The following CNTN4 variants were observed in gnomAD, a reference collection of about 807,000 sequenced individuals.
CNTN4 encodes the protein contactin-4.
In CNTN4, 77 loss-of-function variants were observed where a neutral mutation model predicts 122.5. That is an observed-to-expected ratio of 0.63 (90% CI 0.52 to 0.76). The LOEUF is 0.76. Among genes scored for constraint, CNTN4 ranks in the 30% least tolerant of loss-of-function variants. CNTN4 has a pLI of 0.00. For synonymous variants in CNTN4, 512 were observed against 447.0 expected (o/e 1.15, Z -1.83); for missense variants, 1,256 against 1,259.1 (o/e 1.00, Z 0.04).
intron 23 of CNTN4, among the ~76,000 whole-genome samples, chr3:3,047,485 G>C (rs1220582779): frequency 6.6e-6 from 1 of 150,964 alleles, no homozygotes; most frequent in Non-Finnish European, 1.5e-5. Flanking sequence ...ACTCAAAACC[G>C]CTCAACTACA....
At chr3:2,315,932 A>G (rs2043082667) in intron 2 of CNTN4, among the ~76,000 whole-genome samples, 1 of 152,086 alleles carries the variant, frequency 6.6e-6, no homozygotes, top group Admixed American at 6.6e-5. Flanking sequence ...GAATATTTTC[A>G]GAGTTTCTTA....
intron 2 of CNTN4, among the ~76,000 whole-genome samples, chr3:2,220,982 CT>C (rs2039039819): frequency 6.6e-6 from 1 of 152,118 alleles, no homozygotes; most frequent in South Asian, 2.1e-4. Flanking sequence ...AATACTTCAT[CT>C]CAAGCCAGAA....
chr3:2,749,348 T>A (rs1354732331), intron 6 of CNTN4, among the ~76,000 whole-genome samples: 1 of 147,276 alleles, frequency 6.8e-6, no homozygotes, highest in East Asian at 2.0e-4. Flanking sequence ...TTTTTTTGTA[T>A]TTTTAGTAGA....
intron 2 of CNTN4, among the ~76,000 whole-genome samples, chr3:2,117,957 C>G (rs1399531010): frequency 6.6e-6 from 1 of 151,882 alleles, no homozygotes; most frequent in Non-Finnish European, 1.5e-5. Flanking sequence ...TTTTAAATAT[C>G]TTTTTTTCTG....
At chr3:2,578,948 A>C (rs2149547033) in intron 4 of CNTN4, among the ~76,000 whole-genome samples, 1 of 152,314 alleles carries the variant, frequency 6.6e-6, no homozygotes, top group South Asian at 2.1e-4. Context: ...TTTCAACATA[A>C]ATTTAAGTAT....
At chr3:2,547,801 C>G (rs940783292) in intron 3 of CNTN4, among the ~76,000 whole-genome samples, 5 of 152,028 alleles carry the variant, frequency 3.3e-5, no homozygotes, top group African/African-American at 9.7e-5. Flanking sequence ...TCTTTAAGTC[C>G]AAAGAGAACT....
intron 13 of CNTN4, among the ~76,000 whole-genome samples, chr3:2,929,714 T>C (rs551224993): frequency 1.2e-4 from 19 of 152,288 alleles, no homozygotes; most frequent in African/African-American, 4.3e-4. Context: ...ACTGGAGCCA[T>C]GTACTCACCC....
intron 3 of CNTN4, among the ~76,000 whole-genome samples, chr3:2,434,861 G>A (rs966076019): frequency 2.0e-5 from 3 of 152,210 alleles, no homozygotes; most frequent in South Asian, 2.1e-4. Flanking sequence ...TGTCGCCAGC[G>A]TCCTAAATGA....
intron 3 of CNTN4, chr3:2,362,734 C>T: frequency 3.0e-6 from 1 of 332,116 alleles, no homozygotes; most frequent in Non-Finnish European, 5.9e-6. Flanking sequence ...CTCCAGTGGC[C>T]TCCAGCTTTA....
chr3:2,286,208 C>CGTGT (rs372804004), intron 2 of CNTN4, among the ~76,000 whole-genome samples: 20,782 of 143,072 alleles, frequency 0.15, 1,937 homozygotes, highest in East Asian at 0.4. Flanking sequence ...GATCTCCTGC[C>CGTGT]GTGTGTGTGT....
intron 6 of CNTN4, among the ~76,000 whole-genome samples, chr3:2,778,576 C>T (rs1187293565): frequency 6.6e-6 from 1 of 152,116 alleles, no homozygotes; most frequent in African/African-American, 2.4e-5. Context: ...TTACTCTAAC[C>T]ATGACTACAT....
intron 6 of CNTN4, among the ~76,000 whole-genome samples, chr3:2,759,834 T>C (rs1308562090): frequency 6.6e-6 from 1 of 152,210 alleles, no homozygotes; most frequent in Admixed American, 6.5e-5. Flanking sequence ...ACATCCTCAC[T>C]AGCACTTGCT....
chr3:2,895,320 T>C (rs1213002035), intron 10 of CNTN4, among the ~76,000 whole-genome samples: 1 of 152,234 alleles, frequency 6.6e-6, no homozygotes, highest in Non-Finnish European at 1.5e-5. Context: ...TATGAAATAA[T>C]GATAATGTTC....
rs941893127 is a variant in CNTN4, at chr3:2,836,381, A to G, written c.454+16800A>G. On this transcript the variant is annotated intron_variant, in intron 7 of 24. Transcript: ENST00000418658. Reference sequence around the variant, plus strand: ...AGAATAATCCTGGCACTAGAACTTGACAAAGACAGCAAAAAGGGAATGCCT... The same window carrying G: ...AGAATAATCCTGGCACTAGAACTTGGCAAAGACAGCAAAAAGGGAATGCCT... 8.5e-5 allele frequency among the ~76,000 whole-genome samples: 13 copies of G among 152,360 alleles called. 5 individuals carry two copies.
At chr3:2,453,162 C>A (rs761125760) in intron 3 of CNTN4, among the ~76,000 whole-genome samples, 3 of 151,120 alleles carry the variant, frequency 2.0e-5, no homozygotes, top group African/African-American at 7.3e-5. Flanking sequence ...ACAAAATAAT[C>A]TAGTGGTTGG....
At chr3:2,154,779 G>A (rs982956149) in intron 2 of CNTN4, among the ~76,000 whole-genome samples, 17 of 152,186 alleles carry the variant, frequency 1.1e-4, no homozygotes, top group Admixed American at 3.9e-4. Flanking sequence ...CTCCCAATTC[G>A]TGGGAAGAGT....
chr3:2,509,830 G>T (rs2149063626), intron 3 of CNTN4, among the ~76,000 whole-genome samples: 1 of 152,164 alleles, frequency 6.6e-6, no homozygotes, highest in East Asian at 1.9e-4. Flanking sequence ...GGATAGTAGG[G>T]ATGAAAGAAA....
At position 2,967,189 on chromosome 3, in the gene CNTN4, A is replaced by G. The variant is rs1172604414; in HGVS notation, c.1359-21156A>G. ...CTGATTGGTTGAGTTGGAGATGAAC[A>G]CATAGGAAGTCGTAGCTGTCTTCTT... is the stretch of plus-strand genomic sequence containing the variant. On this transcript the variant is annotated intron_variant, in intron 13 of 24. Transcript: ENST00000418658. Among the ~76,000 whole-genome samples the G allele has an allele frequency of 3.3e-5, 5 of 152,248 alleles. No individual in the cohort carries two copies. The South Asian group carries it at 6.2e-4, about 19-fold the overall frequency.
At chr3:2,370,494 A>G (rs1450018253) in intron 3 of CNTN4, among the ~76,000 whole-genome samples, 1 of 152,198 alleles carries the variant, frequency 6.6e-6, no homozygotes, top group Non-Finnish European at 1.5e-5. Context: ...GGGAGAGGTG[A>G]CAGAGTAATG....
Sources: gnomAD v4.1 joint callset for allele counts (sites outside exome capture counted in the v4.1 genomes callset) on GRCh38, gnomAD v4.1.1 for gene constraint, MANE v1.5 for transcripts, NCBI Gene and HGNC (gene_info 2026-07-23, HGNC 2026-07-21) for gene names.